UNC5C: variants seen among roughly 807,000 people sequenced by gnomAD.
UNC5C encodes netrin receptor UNC5C.
Under a neutral mutation model 99.8 loss-of-function variants are expected in UNC5C, and 47 were observed. That is an observed-to-expected ratio of 0.47 (90% confidence interval 0.37 to 0.60). The LOEUF is 0.60. Ranked by LOEUF, UNC5C falls within the 20% of genes least tolerant of loss-of-function variation. The probability of loss-of-function intolerance (pLI) is 0.00; values close to 1 mark genes in which losing one functional copy is unlikely to be tolerated. For missense variants in UNC5C, 1,062 were observed against 1,165.9 expected, an observed-to-expected ratio of 0.91 and a Z score of 1.30; for synonymous variants, 487 against 452.2, an observed-to-expected ratio of 1.08 and a Z score of -0.98.
At chr4:95,385,804 A>C (rs1363412842) in intron 1 of UNC5C, among the ~76,000 whole-genome samples, 2 of 152,170 alleles carry the variant, frequency 1.3e-5, no homozygotes, top group African/African-American at 4.8e-5. Flanking sequence ...TTGTTTTTCT[A>C]TTTAATATCT....
intron 1 of UNC5C, among the ~76,000 whole-genome samples, chr4:95,464,593 T>C (rs901271934): frequency 6.6e-6 from 1 of 152,208 alleles, no homozygotes; most frequent in African/African-American, 2.4e-5. Flanking sequence ...CATAATTAAA[T>C]AGAGGATAAC....
At chr4:95,232,157 A>C (rs903226137) in intron 7 of UNC5C, among the ~76,000 whole-genome samples, 1 of 151,882 alleles carries the variant, frequency 6.6e-6, no homozygotes, top group Admixed American at 6.6e-5. Flanking sequence ...AAACTCATAG[A>C]TCAGCTACTC....
intron 10 of UNC5C, among the ~76,000 whole-genome samples, chr4:95,211,205 C>A (rs1429419769): frequency 6.6e-6 from 1 of 152,200 alleles, no homozygotes; most frequent in Non-Finnish European, 1.5e-5. Flanking sequence ...GGATGATAAT[C>A]CCACCCTAGG....
At chr4:95,483,063 A>T (rs985527603) in intron 1 of UNC5C, among the ~76,000 whole-genome samples, 1 of 148,340 alleles carries the variant, frequency 6.7e-6, no homozygotes, top group African/African-American at 2.5e-5. Flanking sequence ...GCAGTAATAA[A>T]AAAAAAAAGT....
intron 4 of UNC5C, among the ~76,000 whole-genome samples, chr4:95,254,997 T>C (rs1275923030): frequency 7.1e-6 from 1 of 140,544 alleles, no homozygotes; most frequent in Non-Finnish European, 1.5e-5. Flanking sequence ...TTGTTTTTTG[T>C]TTTTTTTTTT....
intron 7 of UNC5C, among the ~76,000 whole-genome samples, chr4:95,222,684 T>A (rs919263314): frequency 6.6e-6 from 1 of 152,176 alleles, no homozygotes; most frequent in Non-Finnish European, 1.5e-5. Context: ...TATTTAATCA[T>A]AACAGCTTGT....
intron 1 of UNC5C, among the ~76,000 whole-genome samples, chr4:95,450,000 C>T (rs145098253): frequency 0.012 from 1,902 of 152,208 alleles, 38 homozygotes; most frequent in African/African-American, 0.044. Context: ...ACGAACAATC[C>T]CTGAACTATT....
intron 1 of UNC5C, among the ~76,000 whole-genome samples, chr4:95,515,986 T>C: frequency 6.6e-6 from 1 of 152,204 alleles, no homozygotes; most frequent in Non-Finnish European, 1.5e-5. Context: ...TGTATGAATA[T>C]ATTAAATTTC....
intron 1 of UNC5C, among the ~76,000 whole-genome samples, chr4:95,466,666 A>G (rs1431323874): frequency 6.6e-6 from 1 of 151,996 alleles, no homozygotes; most frequent in African/African-American, 2.4e-5. Flanking sequence ...AGCTATGGAC[A>G]TAGGGTGAAT....
chr4:95,441,020 G>A (rs1746935409), intron 1 of UNC5C, among the ~76,000 whole-genome samples: 1 of 150,256 alleles, frequency 6.7e-6, no homozygotes, highest in South Asian at 2.3e-4. Flanking sequence ...TTTTAAAAAA[G>A]AGAAATAAAA....
chr4:95,505,813 T>C (rs559404840), intron 1 of UNC5C, among the ~76,000 whole-genome samples: 174 of 152,180 alleles, frequency 1.1e-3, no homozygotes, highest in African/African-American at 4.0e-3. Context: ...CACCATAGTT[T>C]CTGAAAGAAA....
intron 2 of UNC5C, among the ~76,000 whole-genome samples, chr4:95,331,840 G>A (rs569637412): frequency 4.6e-5 from 7 of 152,062 alleles, no homozygotes; most frequent in Admixed American, 6.6e-5. Context: ...TGTTATAAGC[G>A]TTCGATATTA....
Position 95,165,984 on chromosome 4 carries a change from A to G in UNC5C, c.*3250T>C, listed in dbSNP as rs184029977. On this transcript the variant is annotated 3_prime_UTR_variant, in exon 16 of 16. Coordinates refer to ENST00000453304, the MANE Select transcript of UNC5C (RefSeq NM_003728.4). ...AATGAAAAAAAAGTGAGAATAAGAA[A>G]ATTATAAATTTGAAGTGAAAATTTC... The G allele has an allele frequency of 3.5e-4, 54 of 152,322 alleles. 1 individual carries two copies. The highest frequency in any genetic ancestry group is 1.3e-3 in the African/African-American group (52 of 41,572). The allele number at this position is 152,322 out of a possible 1,614,324, so 9.4% of individuals were successfully genotyped here.
intron 1 of UNC5C, among the ~76,000 whole-genome samples, chr4:95,417,492 C>T (rs1441078387): frequency 2.0e-5 from 3 of 152,066 alleles, no homozygotes; most frequent in Non-Finnish European, 4.4e-5. Flanking sequence ...AATTCTCTTT[C>T]AAAATGTTTC....
chr4:95,405,220 G>A (rs1025383850), intron 1 of UNC5C, among the ~76,000 whole-genome samples: 1 of 152,016 alleles, frequency 6.6e-6, no homozygotes, highest in African/African-American at 2.4e-5. Context: ...TGTAACTCTC[G>A]GGTTGCAGGC....
At chr4:95,541,691 T>C (rs1226618531) in intron 1 of UNC5C, among the ~76,000 whole-genome samples, 1 of 152,096 alleles carries the variant, frequency 6.6e-6, no homozygotes, top group Non-Finnish European at 1.5e-5. Context: ...TGCATTTCTA[T>C]TTATGGATAT....
At chr4:95,356,023 C>G (rs1744171399) in intron 1 of UNC5C, among the ~76,000 whole-genome samples, 1 of 151,480 alleles carries the variant, frequency 6.6e-6, no homozygotes, top group Admixed American at 6.6e-5. Flanking sequence ...GACCCTGTAT[C>G]TACAAAAAAT....
intron 1 of UNC5C, among the ~76,000 whole-genome samples, chr4:95,400,582 G>T (rs1220868840): frequency 1.3e-5 from 2 of 151,970 alleles, no homozygotes; most frequent in Admixed American, 6.5e-5. Context: ...TAGTAGAGAC[G>T]GGGTTTCACC....
At position 95,309,559 on chromosome 4, in the gene UNC5C, T is replaced by C. The variant is rs1742201030; in HGVS notation, c.347-7810A>G. Among the ~76,000 whole-genome samples the C allele has an allele frequency of 2.0e-5, 3 of 152,000 alleles. No homozygotes were observed. The South Asian group carries it at 6.2e-4, about 32-fold the overall frequency. Reference sequence around the variant, plus strand: ...TGATAAAGGGTCAATAGATAAAATATATAAGGAACTCAGTCAACTCAAGAG... The same window carrying C: ...TGATAAAGGGTCAATAGATAAAATACATAAGGAACTCAGTCAACTCAAGAG... On this transcript the variant is annotated intron_variant, in intron 2 of 15. Coordinates refer to ENST00000453304, the MANE Select transcript of UNC5C (RefSeq NM_003728.4).
Sources: allele counts gnomAD v4.1 joint callset (sites outside exome capture counted in the v4.1 genomes callset), GRCh38; gene constraint gnomAD v4.1.1; transcripts MANE v1.5; gene names NCBI Gene and HGNC (gene_info 2026-07-23, HGNC 2026-07-21).